CARF: variants seen among roughly 807,000 people sequenced by gnomAD.
CARF encodes calcium responsive transcription factor, also known as calcium-responsive transcription factor.
A neutral mutation model predicts 82.0 loss-of-function variants in CARF; 57 were observed. The ratio of observed to expected loss-of-function variants is 0.70; its 90% CI spans 0.56 to 0.87. CARF has a LOEUF of 0.87. Ranked by LOEUF, CARF falls within the 40% of genes least tolerant of loss-of-function variation. The pLI, the probability that CARF is intolerant of heterozygous loss-of-function variation, is 0.00. For synonymous variants in CARF, 268 were observed against 290.1 expected, an observed-to-expected ratio of 0.92 and a Z score of 0.77; for missense variants, 771 against 855.8, an observed-to-expected ratio of 0.90 and a Z score of 1.24.
chr2:202,978,037 G>A (rs1417369583), intron 14 of CARF, among the ~76,000 whole-genome samples: 1 of 152,132 alleles, frequency 6.6e-6, no homozygotes, highest in East Asian at 1.9e-4. Flanking sequence ...GTAGAGACAG[G>A]GTTTTGGCAT....
chr2:202,943,587 TACACACACACACACAC>T (rs754214990), intron 5 of CARF, among the ~76,000 whole-genome samples: 3 of 115,182 alleles, frequency 2.6e-5, no homozygotes, highest in South Asian at 3.8e-4. Flanking sequence ...TAATGGAATG[TACACACACACACACAC>T]ACACACACAC....
At chr2:202,954,982 C>G (rs961400141) in intron 7 of CARF, among the ~76,000 whole-genome samples, 3 of 151,760 alleles carry the variant, frequency 2.0e-5, no homozygotes, top group African/African-American at 7.3e-5. Flanking sequence ...CCACTGTACT[C>G]CAGCCTGGGT....
chr2:202,936,038 C>T (rs888751348), intron 3 of CARF, among the ~76,000 whole-genome samples: 3 of 151,788 alleles, frequency 2.0e-5, no homozygotes, highest in Non-Finnish European at 4.4e-5. Context: ...TCTTGAACTC[C>T]CATGCTGGTC....
intron 12 of CARF, among the ~76,000 whole-genome samples, chr2:202,973,973 A>G (rs1330698114): frequency 6.6e-6 from 1 of 152,142 alleles, no homozygotes; most frequent in Non-Finnish European, 1.5e-5. Flanking sequence ...CTGTAGTCCC[A>G]GCTACTCGGG....
At chr2:202,955,863 T>C (rs560805117) in intron 8 of CARF, 105 bp downstream of exon 8, 4 of 677,644 alleles carry the variant, frequency 5.9e-6, no homozygotes, top group East Asian at 2.8e-5. Context: ...ATAGTTACAG[T>C]ATTTTGTTTG....
At chr2:202,961,117 C>A in intron 8 of CARF, 120 bp from the exon 9 acceptor site, 1 of 773,216 alleles carries the variant, frequency 1.3e-6, no homozygotes, top group Non-Finnish European at 2.1e-6. Context: ...GATCTGAGGG[C>A]ACAAATGACA....
At chr2:202,921,706 A>G (rs1344540886) in intron 2 of CARF, among the ~76,000 whole-genome samples, 1 of 152,224 alleles carries the variant, frequency 6.6e-6, no homozygotes, top group Non-Finnish European at 1.5e-5. Flanking sequence ...ATCTGGAAGA[A>G]TATGCAAAAA....
At chr2:202,982,538 G>A (rs2060308974) in intron 16 of CARF, 97 bp downstream of exon 16, 2 of 1,368,202 alleles carry the variant, frequency 1.5e-6, no homozygotes, top group East Asian at 4.8e-5. Context: ...CTACCCAGTG[G>A]GTCTATGATA....
chr2:202,938,395 G>A (rs1694283564), intron 3 of CARF: 1 of 152,060 alleles, frequency 6.6e-6, no homozygotes, highest in Admixed American at 6.6e-5. Flanking sequence ...TCTGGTTACA[G>A]GTATGCACCA....
At chr2:202,958,903 C>CAAAA (rs36028794) in intron 8 of CARF, among the ~76,000 whole-genome samples, 2 of 88,976 alleles carry the variant, frequency 2.2e-5, no homozygotes, top group Admixed American at 1.3e-4. Context: ...GACTCCGTCT[C>CAAAA]AAAAAAAAAA....
chr2:202,952,680 GT>G lies in CARF; in HGVS notation c.427+2del. On this transcript the variant is annotated splice_donor_variant, in intron 6 of 16. Coordinates refer to ENST00000438828, the MANE Select transcript of CARF (RefSeq NM_024744.17). LOFTEE classifies it high-confidence loss of function. ...CTTGTGGATGTGAATAGTCCTCGGG[GT>G]GAGTAACAACGGGATATAGGGGATT... 6.2e-7 allele frequency: 1 copy of G among 1,610,806 alleles called. No homozygotes were observed. Among genetic ancestry groups the G allele is most frequent in the South Asian group, 1.1e-5 (1 of 90,452 alleles).
intron 2 of CARF, among the ~76,000 whole-genome samples, chr2:202,920,022 T>C (rs933353527): frequency 3.9e-5 from 6 of 152,236 alleles, no homozygotes; most frequent in African/African-American, 1.4e-4. Flanking sequence ...CATCTTTTTC[T>C]ATAAAATGAT....
At chr2:202,923,276 C>T (rs74819660) in intron 2 of CARF, among the ~76,000 whole-genome samples, 31 of 152,160 alleles carry the variant, frequency 2.0e-4, no homozygotes, top group East Asian at 7.7e-4. Flanking sequence ...GCAAAGTTTC[C>T]GGGTACAAAA....
At chr2:202,926,513 A>G (rs962613495) in intron 3 of CARF, among the ~76,000 whole-genome samples, 32 of 152,226 alleles carry the variant, frequency 2.1e-4, no homozygotes, top group African/African-American at 7.2e-4. Context: ...CTTTGTATTA[A>G]GTCTAAAAAT....
At chr2:202,933,476 C>G (rs912300060) in intron 3 of CARF, among the ~76,000 whole-genome samples, 1 of 152,112 alleles carries the variant, frequency 6.6e-6, no homozygotes, top group African/African-American at 2.4e-5. Flanking sequence ...TGCAGGGAAC[C>G]TCAGTGGTGA....
At position 202,985,319 on chromosome 2, in the gene CARF, CA is replaced by C. The variant is rs1466768135; in HGVS notation, c.*1696del. 2 of 152,020 alleles carry C rather than the reference CA, an allele frequency of 1.3e-5. No individual in the cohort carries two copies. The highest frequency in any genetic ancestry group is 2.9e-5 in the Non-Finnish European group (2 of 67,996). 9.4% of individuals were successfully genotyped at this position (152,020 alleles called of 1,614,324 possible). Reference sequence around the variant, plus strand: ...TTCTTAATTGACTTGGTTTCAGGTACATGACATGTATCTAAATATAAAGTAC... The same window carrying C: ...TTCTTAATTGACTTGGTTTCAGGTACTGACATGTATCTAAATATAAAGTAC... On this transcript the variant is annotated 3_prime_UTR_variant, in exon 17 of 17. Transcript: ENST00000438828.
At position 202,922,973 on chromosome 2, in the gene CARF, G is replaced by A. The variant is rs537421637; in HGVS notation, c.-162-1324G>A. On this transcript the variant is annotated intron_variant, in intron 2 of 16. Coordinates refer to ENST00000438828, the MANE Select transcript of CARF (RefSeq NM_024744.17). ...TTCAGCAAAGAAGGCCAGGCGAGGT[G>A]GCTCACGCCTGTAATCCCAGCACTT... 2.0e-5 allele frequency among the ~76,000 whole-genome samples: 3 copies of A among 152,290 alleles called. No individual in the cohort carries two copies. In the South Asian group the frequency reaches 6.2e-4, roughly 32 times the overall value.
chr2:202,937,956 TGTA>T (rs1694220941), intron 3 of CARF, among the ~76,000 whole-genome samples: 1 of 151,762 alleles, frequency 6.6e-6, no homozygotes, highest in Non-Finnish European at 1.5e-5. Context: ...ATGTTTTAAT[TGTA>T]GTAGTTGTAG....
At chr2:202,922,096 T>A (rs1690939901) in intron 2 of CARF, among the ~76,000 whole-genome samples, 1 of 152,024 alleles carries the variant, frequency 6.6e-6, no homozygotes, top group South Asian at 2.1e-4. Flanking sequence ...CCCAAAGTGC[T>A]AAGATTACAG....
Sources: gnomAD v4.1 joint callset for allele counts (sites outside exome capture counted in the v4.1 genomes callset) on GRCh38, gnomAD v4.1.1 for gene constraint, MANE v1.5 for transcripts, NCBI Gene and HGNC (gene_info 2026-07-23, HGNC 2026-07-21) for gene names.